The following EFHC1 variants were observed in gnomAD, a reference collection of about 807,000 sequenced individuals.
EFHC1 encodes the protein EF-hand domain containing 1.
Under a neutral mutation model 69.9 loss-of-function variants are expected in EFHC1, and 53 were observed. The ratio of observed to expected loss-of-function variants is 0.76; its 90% CI spans 0.61 to 0.95. EFHC1 has a LOEUF of 0.95. Ranked by LOEUF, EFHC1 falls within the 40% of genes least tolerant of loss-of-function variation. The pLI is 0.00. For synonymous variants in EFHC1, 256 were observed against 278.4 expected, an observed-to-expected ratio of 0.92 and a Z score of 0.80; for missense variants, 739 against 798.7, an observed-to-expected ratio of 0.93 and a Z score of 0.90.
chr6:52,472,232 A>G (rs1296351349), intron 7 of EFHC1, among the ~76,000 whole-genome samples: 1 of 152,288 alleles, frequency 6.6e-6, no homozygotes, highest in South Asian at 2.1e-4. Flanking sequence ...TATGTATGAA[A>G]AGTCTACTGC....
intron 1 of EFHC1, 117 bp downstream of exon 1, chr6:52,420,590 T>A: frequency 8.0e-7 from 1 of 1,253,476 alleles, no homozygotes; most frequent in East Asian, 2.5e-5. Flanking sequence ...TCCAAACACG[T>A]CTTCTGTCCT....
intron 2 of EFHC1, among the ~76,000 whole-genome samples, chr6:52,431,935 T>C (rs1183060901): frequency 6.6e-6 from 1 of 152,232 alleles, no homozygotes; most frequent in Non-Finnish European, 1.5e-5. Flanking sequence ...ACAGGTCTTT[T>C]ATCATTATAT....
intron 10 of EFHC1, among the ~76,000 whole-genome samples, 162 bp from the exon 11 acceptor site, chr6:52,492,108 A>G (rs1765916041): frequency 6.6e-6 from 1 of 152,228 alleles, no homozygotes; most frequent in African/African-American, 2.4e-5. Context: ...TGTCTGTCCT[A>G]CCTGCCAGGT....
At chr6:52,453,141 G>A (rs765077812) in intron 4 of EFHC1, 100 of 1,378,462 alleles carry the variant, frequency 7.3e-5, no homozygotes, top group Middle Eastern at 5.5e-4. Flanking sequence ...GTTTCCAATT[G>A]ACAATTTCTT....
chr6:52,479,304 A>G (rs1291227208), intron 8 of EFHC1, 54 bp downstream of exon 8: 9 of 1,581,342 alleles, frequency 5.7e-6, no homozygotes, highest in Non-Finnish European at 7.8e-6. Context: ...TGAGTTCTTA[A>G]TTGGAATTTA....
chr6:52,427,528 C>G (rs996990286), intron 2 of EFHC1, among the ~76,000 whole-genome samples: 22 of 148,334 alleles, frequency 1.5e-4, no homozygotes, highest in African/African-American at 5.5e-4. Flanking sequence ...GCAGTTCCTC[C>G]TCATTTTTCT....
intron 3 of EFHC1, among the ~76,000 whole-genome samples, chr6:52,442,104 A>G (rs1407179810): frequency 6.6e-6 from 1 of 151,758 alleles, no homozygotes; most frequent in African/African-American, 2.4e-5. Flanking sequence ...CTTTCTCTTG[A>G]CTGATTGTTC....
At position 52,477,676 on chromosome 6, in the gene EFHC1, T is replaced by C. The variant is rs1416155690; in HGVS notation, c.1279-1361T>C. 3.3e-5 allele frequency among the ~76,000 whole-genome samples: 5 copies of C among 152,156 alleles called. No homozygotes were observed. In the East Asian group the frequency reaches 9.6e-4, roughly 29 times the overall value. Reference sequence around the variant, plus strand: ...TGCAGCCAAAAAACACATGAAAAAATGCTCATCATCACTGGCCATCAGAGA... The same window carrying C: ...TGCAGCCAAAAAACACATGAAAAAACGCTCATCATCACTGGCCATCAGAGA... On this transcript the variant is annotated intron_variant, in intron 7 of 10. Coordinates refer to ENST00000371068, the MANE Select transcript of EFHC1 (RefSeq NM_018100.4).
chr6:52,459,888 A>G (rs1562455220), intron 5 of EFHC1, among the ~76,000 whole-genome samples: 1 of 152,048 alleles, frequency 6.6e-6, no homozygotes, highest in African/African-American at 2.4e-5. Flanking sequence ...GTTAGCCAGG[A>G]TGGTCTCGAT....
At chr6:52,453,077 C>A in intron 4 of EFHC1, 6 of 1,484,644 alleles carry the variant, frequency 4.0e-6, no homozygotes, top group Non-Finnish European at 5.4e-6. Flanking sequence ...GTGAACCTCA[C>A]CAAACATTTA....
chr6:52,494,657 T>C lies in EFHC1; in HGVS notation c.*2316T>C, dbSNP rs142539862. 16 of 454,114 alleles carry C rather than the reference T, an allele frequency of 3.5e-5. No individual in the cohort carries two copies. The highest frequency in any genetic ancestry group is 3.5e-4 in the East Asian group (5 of 14,398). The allele number at this position is 454,114 out of a possible 1,614,324, so 28.1% of individuals were successfully genotyped here. Reference sequence around the variant, plus strand: ...GTATATTGCACCCAGGTAGTGAGCATAGTGCCCAGTAAGTAGTTTTTCCAC... The same window carrying C: ...GTATATTGCACCCAGGTAGTGAGCACAGTGCCCAGTAAGTAGTTTTTCCAC... On this transcript the variant is annotated 3_prime_UTR_variant, in exon 11 of 11. Transcript: ENST00000371068.
intron 10 of EFHC1, chr6:52,490,728 T>C: frequency 2.6e-6 from 1 of 378,630 alleles, no homozygotes. Flanking sequence ...ATACCTACAC[T>C]GGCCCATCAG....
intron 3 of EFHC1, among the ~76,000 whole-genome samples, chr6:52,450,640 A>G (rs1764895005): frequency 6.6e-6 from 1 of 150,882 alleles, no homozygotes; most frequent in Admixed American, 6.6e-5. Flanking sequence ...GCTTTTTTCT[A>G]TTTTCCATCT....
chr6:52,481,772 A>G (rs1342721237), intron 9 of EFHC1: 1 of 152,244 alleles, frequency 6.6e-6, no homozygotes, highest in Admixed American at 6.5e-5. Context: ...TGGCCTCCCA[A>G]AGTGCTAGGA....
At position 52,495,934 on chromosome 6, in the gene EFHC1, T is replaced by A. The variant is rs1766047119; in HGVS notation, c.*3593T>A. On this transcript the variant is annotated 3_prime_UTR_variant, in exon 11 of 11. Coordinates refer to ENST00000371068, the MANE Select transcript of EFHC1 (RefSeq NM_018100.4). Reference sequence around the variant, plus strand: ...ATTTCTGTGGTGTCCAAACACTCGCTGCTCACCTGTTTATACAAAGCAGCA... The same window carrying A: ...ATTTCTGTGGTGTCCAAACACTCGCAGCTCACCTGTTTATACAAAGCAGCA... 3.6e-6 allele frequency: 1 copy of A among 275,390 alleles called. No homozygotes were observed. The highest frequency in any genetic ancestry group is 7.1e-6 in the Non-Finnish European group (1 of 141,344). 17.1% of individuals were successfully genotyped at this position (275,390 alleles called of 1,614,324 possible).
chr6:52,446,166 A>T (rs1181285291), intron 3 of EFHC1, among the ~76,000 whole-genome samples: 1 of 152,142 alleles, frequency 6.6e-6, no homozygotes, highest in African/African-American at 2.4e-5. Context: ...GGGGTGTTAA[A>T]GTCTCCCATT....
rs186066932 is a variant in EFHC1 at position 52,445,424 on chromosome 6, T to C, written c.573+6833T>C. On this transcript the variant is annotated intron_variant, in intron 3 of 10. Transcript: ENST00000371068. ...CTAACTTGTCGTCTAGCATTAGGTATATCTCCCAATGCTGTCCCTCCCCCC... is the reference window on the plus strand; with the variant it reads ...CTAACTTGTCGTCTAGCATTAGGTACATCTCCCAATGCTGTCCCTCCCCCC... 1.9e-3 allele frequency among the ~76,000 whole-genome samples: 288 copies of C among 152,060 alleles called. 3 individuals are homozygous for C. Among genetic ancestry groups the C allele is most frequent in the African/African-American group, 6.8e-3 (282 of 41,452 alleles).
In EFHC1 at chr6:52,420,380, G is replaced by C; in HGVS notation, c.-31G>C. ...TGGGCAACCGGAGAGGACGAAGCAG[G>C]ACCTAGGTGGCGGCGGTGGTACCGG... On this transcript the variant is annotated 5_prime_UTR_variant, in exon 1 of 11. Transcript: ENST00000371068. 1 of 1,614,238 alleles carries C rather than the reference G, an allele frequency of 6.2e-7. No individual in the cohort carries two copies. Among genetic ancestry groups the C allele is most frequent in the Non-Finnish European group, 8.5e-7 (1 of 1,180,022 alleles).
chr6:52,420,986 C>T, intron 1 of EFHC1: 1 of 1,040,592 alleles, frequency 9.6e-7, no homozygotes, highest in South Asian at 3.2e-5. Context: ...TCTTCTGAAT[C>T]CTGTACCCGG....
Sources: gnomAD v4.1 joint callset for allele counts (sites outside exome capture counted in the v4.1 genomes callset) on GRCh38, gnomAD v4.1.1 for gene constraint, MANE v1.5 for transcripts, NCBI Gene and HGNC (gene_info 2026-07-23, HGNC 2026-07-21) for gene names.